The following PRKN variants were observed in gnomAD, a reference collection of about 807,000 sequenced individuals.
PRKN encodes E3 ubiquitin-protein ligase parkin.
PRKN carries 56 observed loss-of-function variants against 59.5 expected under a neutral mutation model. The ratio of observed to expected loss-of-function variants is 0.94; its 90% CI spans 0.76 to 1.18. The LOEUF (loss-of-function observed/expected upper bound fraction) is 1.18, where lower values mean the gene tolerates loss of function less well. Among genes scored for constraint, PRKN ranks in the 50% most tolerant of loss-of-function variants. The pLI, the probability that PRKN is intolerant of heterozygous loss-of-function variation, is 0.00. For missense variants in PRKN, 657 were observed against 596.4 expected, an observed-to-expected ratio of 1.10 and a Z score of -1.06; for synonymous variants, 250 against 222.1, an observed-to-expected ratio of 1.13 and a Z score of -1.12.
At position 161,581,926 on chromosome 6, in the gene PRKN, A is replaced by C. The variant is rs2128138235; in HGVS notation, c.872-12510T>G. On this transcript the variant is annotated intron_variant, in intron 7 of 11. Coordinates refer to ENST00000366898, the MANE Select transcript of PRKN (RefSeq NM_004562.3). The surrounding 1 kb of genome is among the most constrained non-coding windows in gnomAD (Gnocchi z 4.5). Reference sequence around the variant, plus strand: ...ATTAATGAAACAGTCCACTCTTCACAGTGCTTAGGGCGTCCTTCGCTCATA... The same window carrying C: ...ATTAATGAAACAGTCCACTCTTCACCGTGCTTAGGGCGTCCTTCGCTCATA... Among the ~76,000 whole-genome samples, 1 of 152,298 alleles carries C rather than the reference A, an allele frequency of 6.6e-6. No individual in the cohort carries two copies. The highest frequency in any genetic ancestry group is 1.9e-4 in the East Asian group (1 of 5,186).
At chr6:161,903,214 A>G (rs1262864544) in intron 6 of PRKN, among the ~76,000 whole-genome samples, 1 of 152,170 alleles carries the variant, frequency 6.6e-6, no homozygotes, top group Non-Finnish European at 1.5e-5. Flanking sequence ...CTCTAGAGCC[A>G]ACTGTGTCTT....
At position 162,524,408 on chromosome 6, in the gene PRKN, T is replaced by C. The variant is rs1296271130; in HGVS notation, c.8-80935A>G. 5.3e-5 allele frequency among the ~76,000 whole-genome samples: 8 copies of C among 152,172 alleles called. No individual in the cohort carries two copies. In the South Asian group the frequency reaches 8.3e-4, roughly 16 times the overall value. ...CCTTGGAATTACTTCAGACTGTTGA[T>C]AATTCTGATTTTGGTAATAGTCTTG... On this transcript the variant is annotated intron_variant, in intron 1 of 11. Coordinates refer to ENST00000366898, the MANE Select transcript of PRKN (RefSeq NM_004562.3).
rs555072642 is a variant in PRKN, at chr6:162,026,916, T to A, written c.618+27175A>T. On this transcript the variant is annotated intron_variant, in intron 5 of 11. Transcript: ENST00000366898. ...GTTAATATTTATTGAGTCTACCGTA[T>A]GTGTAATGGACTGTACTTCAGGCAT... Among the ~76,000 whole-genome samples the A allele has an allele frequency of 3.9e-5, 6 of 152,336 alleles. No individual in the cohort carries two copies. The East Asian group carries it at 1.2e-3, about 29-fold the overall frequency.
chr6:161,925,913 TTA>T (rs1197769162), intron 6 of PRKN, among the ~76,000 whole-genome samples: 4 of 152,178 alleles, frequency 2.6e-5, no homozygotes, highest in African/African-American at 9.7e-5. Flanking sequence ...GCTGAACTCT[TTA>T]TATGTCTCGT....
intron 7 of PRKN, among the ~76,000 whole-genome samples, chr6:161,594,883 T>C (rs1251419805): frequency 6.6e-6 from 1 of 152,140 alleles, no homozygotes; most frequent in Non-Finnish European, 1.5e-5. Flanking sequence ...TTATACATTC[T>C]AGAGAGGAAA....
chr6:162,679,888 T>C (rs1779703940), intron 1 of PRKN, among the ~76,000 whole-genome samples: 1 of 152,046 alleles, frequency 6.6e-6, no homozygotes, highest in Non-Finnish European at 1.5e-5. Flanking sequence ...GAGGTCAGAG[T>C]CATGGGTTAA....
At chr6:162,416,552 C>T (rs1032464583) in intron 2 of PRKN, among the ~76,000 whole-genome samples, 6 of 152,276 alleles carry the variant, frequency 3.9e-5, no homozygotes, top group African/African-American at 9.6e-5. Flanking sequence ...TCAATTAAAC[C>T]TGCTGCCAGG....
intron 6 of PRKN, among the ~76,000 whole-genome samples, chr6:161,920,785 TAA>T (rs74980727): frequency 1.1e-4 from 14 of 128,654 alleles, no homozygotes; most frequent in Admixed American, 3.2e-4. Context: ...TGAGACTGTC[TAA>T]AAAAAAAAAA....
chr6:162,514,283 T>C lies in PRKN; in HGVS notation c.8-70810A>G, dbSNP rs1375903662. ...CTTGTTGAAATTGACTTTTTTTTTT[T>C]CTGAAAAAGTAAACTGAATCAAATT... is the stretch of plus-strand genomic sequence containing the variant. On this transcript the variant is annotated intron_variant, in intron 1 of 11. Transcript: ENST00000366898. Among the ~76,000 whole-genome samples the C allele has an allele frequency of 3.9e-5, 6 of 152,030 alleles. 1 individual carries two copies. The highest frequency in any genetic ancestry group is 7.2e-5 in the African/African-American group (3 of 41,396).
intron 7 of PRKN, among the ~76,000 whole-genome samples, chr6:161,737,197 C>A (rs1043328177): frequency 6.6e-6 from 1 of 152,186 alleles, no homozygotes. Flanking sequence ...TCCAGGCACA[C>A]CTGGTGAAGT....
intron 6 of PRKN, among the ~76,000 whole-genome samples, chr6:161,830,136 G>T (rs1451112386): frequency 6.6e-6 from 1 of 152,154 alleles, no homozygotes; most frequent in Non-Finnish European, 1.5e-5. Context: ...AAATCAATTT[G>T]CCCAAAACCA....
chr6:161,710,887 CCCTCCCTTTCCTTCCT>C, intron 7 of PRKN, among the ~76,000 whole-genome samples: 1 of 135,952 alleles, frequency 7.4e-6, no homozygotes, highest in South Asian at 2.7e-4. Flanking sequence ...TTCCTTCTCT[CCCTCCCTTTCCTTCCT>C]CCTCCCTTTC....
intron 4 of PRKN, among the ~76,000 whole-genome samples, chr6:162,092,125 C>A (rs1207813662): frequency 1.2e-4 from 18 of 152,074 alleles, no homozygotes; most frequent in Admixed American, 1.2e-3. Flanking sequence ...GAGGCAGAGG[C>A]GGGCAGATCA....
At chr6:162,188,870 A>G (rs768179731) in intron 4 of PRKN, among the ~76,000 whole-genome samples, 2 of 152,108 alleles carry the variant, frequency 1.3e-5, no homozygotes, top group Non-Finnish European at 1.5e-5. Flanking sequence ...AACAATGAAA[A>G]CAGTTTTGTG....
At chr6:161,824,609 T>C (rs1792165282) in intron 6 of PRKN, among the ~76,000 whole-genome samples, 1 of 152,116 alleles carries the variant, frequency 6.6e-6, no homozygotes, top group Non-Finnish European at 1.5e-5. Context: ...CAGATGAAAA[T>C]AGTACACAAA....
chr6:161,425,110 T>C (rs200197296), intron 9 of PRKN, among the ~76,000 whole-genome samples: 1 of 132,632 alleles, frequency 7.5e-6, no homozygotes, highest in Non-Finnish European at 1.6e-5. Context: ...ATGACTCTCT[T>C]TCTCTGTCTC....
At chr6:162,513,978 G>A (rs947278354) in intron 1 of PRKN, among the ~76,000 whole-genome samples, 3 of 152,020 alleles carry the variant, frequency 2.0e-5, no homozygotes, top group Admixed American at 6.6e-5. Context: ...CCTGTGAGGT[G>A]GAGGTTGCAG....
chr6:161,425,396 T>C (rs1202136895), intron 9 of PRKN, among the ~76,000 whole-genome samples: 1 of 152,188 alleles, frequency 6.6e-6, no homozygotes, highest in Non-Finnish European at 1.5e-5. Context: ...GATCTGAAAG[T>C]TCACAGTACT....
At chr6:161,766,027 T>C (rs1789408984) in intron 7 of PRKN, among the ~76,000 whole-genome samples, 1 of 152,222 alleles carries the variant, frequency 6.6e-6, no homozygotes, top group South Asian at 2.1e-4. Context: ...AGTATTTTAA[T>C]ATTAATAAAC....
Sources: allele counts gnomAD v4.1 joint callset (sites outside exome capture counted in the v4.1 genomes callset), GRCh38; gene constraint gnomAD v4.1.1; non-coding constraint Gnocchi (gnomAD v3.1); transcripts MANE v1.5; gene names NCBI Gene and HGNC (gene_info 2026-07-23, HGNC 2026-07-21).